Variants in NPAS2 observed in about 807,000 individuals in gnomAD.
The protein encoded by NPAS2 is neuronal PAS domain-containing protein 2.
A neutral mutation model predicts 107.5 loss-of-function variants in NPAS2; 23 were observed. The observed-to-expected ratio is 0.21, with a 90% CI of 0.15 to 0.30. The LOEUF (loss-of-function observed/expected upper bound fraction) is 0.30, where lower values mean the gene tolerates loss of function less well. Ranked by LOEUF, NPAS2 falls within the 10% of genes least tolerant of loss-of-function variation. The probability of loss-of-function intolerance (pLI) is 1.00; values close to 1 mark genes in which losing one functional copy is unlikely to be tolerated. For synonymous variants in NPAS2, 403 were observed against 417.5 expected, an observed-to-expected ratio of 0.97 and a Z score of 0.42; for missense variants, 756 against 1,043.3, an observed-to-expected ratio of 0.72 and a Z score of 3.79.
In NPAS2 at chr2:100,822,925, A is replaced by G. The variant is rs1676158897; in HGVS notation, c.-23+2511A>G. Reference sequence around the variant, plus strand: ...TGAGTTTCACATTTAAATAGTGGATAGGGTACTTGGTGCATTATTTGCTTA... The same window carrying G: ...TGAGTTTCACATTTAAATAGTGGATGGGGTACTTGGTGCATTATTTGCTTA... On this transcript the variant is annotated intron_variant, in intron 1 of 20. Coordinates refer to ENST00000335681, the MANE Select transcript of NPAS2 (RefSeq NM_002518.4). The G allele has an allele frequency of 2.0e-5, 3 of 152,206 alleles. No individual in the cohort carries two copies. The South Asian group carries it at 6.2e-4, about 32-fold the overall frequency. The allele number at this position is 152,206 out of a possible 1,614,324, so 9.4% of individuals were successfully genotyped here.
chr2:100,879,633 C>T (rs957762238), intron 1 of NPAS2, among the ~76,000 whole-genome samples: 6 of 152,220 alleles, frequency 3.9e-5, no homozygotes, highest in African/African-American at 1.2e-4. Context: ...AGCATAATGT[C>T]CTCCAGGCCC....
At position 100,935,664 on chromosome 2, in the gene NPAS2, C is replaced by T. The variant is rs556441652; in HGVS notation, c.274-2089C>T. ...AGGGACATGGGCTCACTGTGCAAGA[C>T]GATTTGCACTGCCCTTGCTTTTCCC... On this transcript the variant is annotated intron_variant, in intron 4 of 20. Transcript: ENST00000335681. Among the ~76,000 whole-genome samples, 7 of 152,320 alleles carry T rather than the reference C, an allele frequency of 4.6e-5. No individual in the cohort carries two copies. In the South Asian group the frequency reaches 6.2e-4, roughly 14 times the overall value.
intron 2 of NPAS2, among the ~76,000 whole-genome samples, chr2:100,921,502 A>G (rs1683225728): frequency 6.6e-6 from 1 of 152,170 alleles, no homozygotes; most frequent in Admixed American, 6.5e-5. Flanking sequence ...TGTATATTTA[A>G]AACACACACA....
chr2:100,821,971 C>T (rs535956886), intron 1 of NPAS2, among the ~76,000 whole-genome samples: 1 of 152,184 alleles, frequency 6.6e-6, no homozygotes, highest in Admixed American at 6.5e-5. Flanking sequence ...ATAAAGTGTG[C>T]AAAGTAAAGA....
In NPAS2 at chr2:100,995,554, C is replaced by T. The variant is rs530536274; in HGVS notation, c.2447C>T (p.Ser816Leu). 35 of 1,609,124 alleles carry T rather than the reference C, an allele frequency of 2.2e-5. No homozygotes were observed. Among genetic ancestry groups the T allele is most frequent in the Admixed American group, 2.0e-4 (12 of 59,768 alleles). Residue 816 changes from serine (S) to leucine (L), a missense_variant, in exon 21 of 21, where the codon TCG (serine) becomes TTG (leucine). By Grantham distance (145) the Ser-to-Leu change is moderately radical. This residue lies in a region of NPAS2 where 496 missense variants were observed against 594.4 expected (regional missense o/e 0.83). Coordinates refer to ENST00000335681, the MANE Select transcript of NPAS2 (RefSeq NM_002518.4). ...PPRRVSSLSE[S>L]SGLQQPPR is the part of the protein sequence containing the mutation. ...CGAAGGGTCAGCAGTCTGTCTGAGT[C>T]GTCAGGCCTCCAGCAGCCGCCCCGA...
intron 1 of NPAS2, among the ~76,000 whole-genome samples, chr2:100,858,934 C>T (rs914814913): frequency 2.0e-5 from 3 of 152,132 alleles, no homozygotes; most frequent in Non-Finnish European, 4.4e-5. Flanking sequence ...ATAATCAACG[C>T]CTCAAGAATA....
intron 7 of NPAS2, among the ~76,000 whole-genome samples, chr2:100,957,295 C>T (rs531463575): frequency 1.1e-4 from 17 of 152,316 alleles, no homozygotes; most frequent in Admixed American, 3.9e-4. Flanking sequence ...TATGTAACCC[C>T]GTGTCCTATT....
In NPAS2 at chr2:100,948,334, C is replaced by A; in HGVS notation, c.463C>A (p.Pro155Thr). The change falls in exon 6 of 21, where the codon CCC becomes ACC. Residue 155 changes from proline to threonine, a missense_variant. Physicochemically the swap from Pro to Thr is conservative, Grantham distance 38 (BLOSUM62 -1). This residue lies in a region of NPAS2 where 146 missense variants were observed against 249.6 expected (regional missense o/e 0.58). Coordinates refer to ENST00000335681, the MANE Select transcript of NPAS2 (RefSeq NM_002518.4). ...TTCCCATATGCTTGTGACGGATTCC[C>A]CCTCCCCAGAATACTTAAAATGTAA... is the stretch of plus-strand genomic sequence containing the variant. ...LSSHMLVTDS[P>T]SPEYLKSDSD... 1.9e-6 allele frequency: 3 copies of A among 1,609,768 alleles called. No homozygotes were observed. The highest frequency in any genetic ancestry group is 2.5e-6 in the Non-Finnish European group (3 of 1,178,124).
At chr2:100,903,687 C>T (rs976262102) in intron 1 of NPAS2, among the ~76,000 whole-genome samples, 2 of 152,188 alleles carry the variant, frequency 1.3e-5, no homozygotes, top group African/African-American at 4.8e-5. Flanking sequence ...TCTCCATGGT[C>T]CCCACCTTTA....
chr2:100,824,839 T>G (rs1456050849), intron 1 of NPAS2, among the ~76,000 whole-genome samples: 1 of 152,200 alleles, frequency 6.6e-6, no homozygotes, highest in Non-Finnish European at 1.5e-5. Context: ...TCCCTGAAAG[T>G]AAATCTTGAA....
chr2:100,990,497 T>G, intron 18 of NPAS2, 51 bp downstream of exon 18: 2 of 1,573,116 alleles, frequency 1.3e-6, no homozygotes, highest in Non-Finnish European at 1.7e-6. Context: ...TTTTACCCCA[T>G]TCATTTCAGC....
At chr2:100,942,137 A>G (rs905858645) in intron 5 of NPAS2, among the ~76,000 whole-genome samples, 1 of 152,178 alleles carries the variant, frequency 6.6e-6, no homozygotes, top group Non-Finnish European at 1.5e-5. Context: ...AAACTGGAGA[A>G]ATCTGCAGGC....
chr2:100,937,724 G>A lies in NPAS2; in HGVS notation c.274-29G>A, dbSNP rs371516900. 1.7e-4 allele frequency: 266 copies of A among 1,547,714 alleles called. 1 individual carries two copies. The highest frequency in any genetic ancestry group is 2.1e-5 in the Non-Finnish European group (23 of 1,119,604). On this transcript the variant is annotated intron_variant, in intron 4 of 20. Transcript: ENST00000335681. ...TGCTCCTCCATAAACGCATTGCTAA[G>A]GAGCTTTCAAATGTTGCATTTTCCA...
chr2:100,864,839 A>G (rs923407784), intron 1 of NPAS2, among the ~76,000 whole-genome samples: 3 of 152,206 alleles, frequency 2.0e-5, no homozygotes, highest in Admixed American at 2.0e-4. Context: ...AGTATTTATC[A>G]CCTTATAAAT....
chr2:100,909,231 G>T lies in NPAS2; in HGVS notation c.32+4445G>T, dbSNP rs144262698. ...AGATGAGGATACATAGCATTATCCT[G>T]CCCTCAGAGCGCTTTCAGGCAAGTT... On this transcript the variant is annotated intron_variant, in intron 2 of 20. Transcript: ENST00000335681. 5.5e-3 allele frequency among the ~76,000 whole-genome samples: 840 copies of T among 152,326 alleles called. 7 individuals are homozygous for T. Among genetic ancestry groups the T allele is most frequent in the African/African-American group, 0.019 (797 of 41,574 alleles).
At chr2:100,836,096 T>G (rs1215979016) in intron 1 of NPAS2, among the ~76,000 whole-genome samples, 1 of 152,154 alleles carries the variant, frequency 6.6e-6, no homozygotes, top group African/African-American at 2.4e-5. Flanking sequence ...GATGCCAGGC[T>G]CTCTTTGCAG....
chr2:100,988,831 CCTGCTCCTCCAGGCCCCCA>C (rs1156345784), intron 17 of NPAS2: 10 of 254,858 alleles, frequency 3.9e-5, no homozygotes, highest in South Asian at 7.7e-5. Context: ...TCCAGGTCCC[CCTGCTCCTCCAGGCCCCCA>C]CTGCTCCTCC....
chr2:100,831,905 A>G (rs984539506), intron 1 of NPAS2, among the ~76,000 whole-genome samples: 1 of 151,982 alleles, frequency 6.6e-6, no homozygotes, highest in Admixed American at 6.5e-5. Context: ...TATTCTCTCA[A>G]ACCTGCAAAC....
At chr2:100,867,170 A>G (rs756463690) in intron 1 of NPAS2, among the ~76,000 whole-genome samples, 17 of 152,214 alleles carry the variant, frequency 1.1e-4, no homozygotes, top group Non-Finnish European at 2.1e-4. Context: ...TTATTCTCCC[A>G]TTATTGGGTA....
Sources: gnomAD v4.1 joint callset for allele counts (sites outside exome capture counted in the v4.1 genomes callset) on GRCh38, gnomAD v4.1.1 for gene constraint, gnomAD v4.1.1 regional missense constraint, MANE v1.5 for transcripts, NCBI Gene and HGNC (gene_info 2026-07-23, HGNC 2026-07-21) for gene names.